Variants in NCOA3 observed in about 807,000 individuals in gnomAD.
NCOA3 encodes the protein nuclear receptor coactivator 3, also known as CBP-interacting protein.
NCOA3 carries 51 observed loss-of-function variants against 158.8 expected under a neutral mutation model. That is an observed-to-expected ratio of 0.32 (90% CI 0.26 to 0.41). The LOEUF is 0.41. NCOA3 is among the 10% of genes least tolerant of loss of function. NCOA3 has a pLI of 1.00. For synonymous variants in NCOA3, 537 were observed against 592.4 expected (o/e 0.91, Z 1.36); for missense variants, 1,510 against 1,746.6 (o/e 0.86, Z 2.41).
chr20:47,551,785 A>G (rs1250180994), intron 1 of NCOA3, among the ~76,000 whole-genome samples: 1 of 152,228 alleles, frequency 6.6e-6, no homozygotes, highest in Non-Finnish European at 1.5e-5. Flanking sequence ...GAAAAGAAGA[A>G]TTTTTATATG....
rs370656650 is a variant in NCOA3, at chr20:47,647,320, C to G, written c.3500C>G (p.Pro1167Arg). ...ATCATGAGACCCCGGACAAACACCC[C>G]CAAGCAACTTAGAATGCAGCTTCAG... ...ANIMRPRTNT[P>R]KQLRMQLQQR... is the part of the protein sequence containing the mutation. Residue 1167 changes from proline to arginine, a missense_variant, in exon 18 of 23, where the codon CCC becomes CGC. By Grantham distance (103) the Pro-to-Arg change is moderately radical. Coordinates refer to ENST00000371998, the MANE Select transcript of NCOA3 (RefSeq NM_181659.3). The G allele has an allele frequency of 8.1e-6, 13 of 1,614,082 alleles. No homozygotes were observed. Among genetic ancestry groups the G allele is most frequent in the Admixed American group, 5.0e-5 (3 of 60,006 alleles).
chr20:47,619,497 T>G (rs1275297276), intron 2 of NCOA3, among the ~76,000 whole-genome samples: 28 of 151,426 alleles, frequency 1.8e-4, no homozygotes, highest in Admixed American at 1.8e-3. Flanking sequence ...ATACAAAAAT[T>G]AGCTGGGTGT....
intron 22 of NCOA3, 152 bp downstream of exon 22, chr20:47,653,224 T>A: frequency 8.3e-7 from 1 of 1,209,920 alleles, no homozygotes; most frequent in Non-Finnish European, 1.1e-6. Context: ...TTTGAAGGCA[T>A]TGGGCCATTA....
intron 1 of NCOA3, among the ~76,000 whole-genome samples, chr20:47,553,681 GA>G (rs1396053931): frequency 1.3e-5 from 2 of 151,636 alleles, no homozygotes; most frequent in African/African-American, 4.8e-5. Flanking sequence ...AGTTTGTTGA[GA>G]ATGATGGTTT....
intron 2 of NCOA3, among the ~76,000 whole-genome samples, chr20:47,618,718 A>T (rs760648415): frequency 3.9e-5 from 6 of 152,180 alleles, no homozygotes; most frequent in Non-Finnish European, 7.3e-5. Flanking sequence ...TAGCAGGAAG[A>T]TTGCACAGGC....
At chr20:47,565,371 T>C (rs1329867769) in intron 1 of NCOA3, among the ~76,000 whole-genome samples, 2 of 152,106 alleles carry the variant, frequency 1.3e-5, no homozygotes, top group East Asian at 3.8e-4. Context: ...GTGTCACTGG[T>C]AGGGAGGATC....
At position 47,529,172 on chromosome 20, in the gene NCOA3, C is replaced by T. The variant is rs8123611; in HGVS notation, c.-99+27153C>T. Among the ~76,000 whole-genome samples, 589 of 148,754 alleles carry T rather than the reference C, an allele frequency of 4.0e-3. 5 individuals carry two copies. Among genetic ancestry groups the T allele is most frequent in the African/African-American group, 0.014 (551 of 40,268 alleles). The stretch of plus-strand genomic sequence containing the variant: ...TTTTGAGATGGAGTTTCACTCTAGT[C>T]CCCCAGGCTGGAGTGCATCTCAGCA... On this transcript the variant is annotated intron_variant, in intron 1 of 22. Coordinates refer to ENST00000371998, the MANE Select transcript of NCOA3 (RefSeq NM_181659.3).
rs977099015 is a variant in NCOA3, at chr20:47,655,995, T to C, written c.*2578T>C. 1.3e-5 allele frequency: 2 copies of C among 152,266 alleles called. No homozygotes were observed. Among genetic ancestry groups the C allele is most frequent in the African/African-American group, 4.8e-5 (2 of 41,400 alleles). The allele number at this position is 152,266 out of a possible 1,614,324, so 9.4% of individuals were successfully genotyped here. On this transcript the variant is annotated 3_prime_UTR_variant, in exon 23 of 23. Coordinates refer to ENST00000371998, the MANE Select transcript of NCOA3 (RefSeq NM_181659.3). ...TTGCCCTTTATCTTTTTTAGGTAAT[T>C]CTTTGTACTCCTGCTGTCTACCTCT...
chr20:47,551,324 A>G (rs185562885), intron 1 of NCOA3, among the ~76,000 whole-genome samples: 23 of 152,236 alleles, frequency 1.5e-4, no homozygotes, highest in African/African-American at 5.5e-4. Context: ...AAAACATTCA[A>G]GTCCTTTGGT....
chr20:47,529,635 A>G (rs2084514119), intron 1 of NCOA3, among the ~76,000 whole-genome samples: 2 of 152,002 alleles, frequency 1.3e-5, no homozygotes, highest in African/African-American at 4.8e-5. Context: ...CTGGTCTCGA[A>G]CTCTGACCTC....
At chr20:47,539,684 A>G (rs914974902) in intron 1 of NCOA3, among the ~76,000 whole-genome samples, 34 of 152,318 alleles carry the variant, frequency 2.2e-4, no homozygotes, top group African/African-American at 7.7e-4. Flanking sequence ...ACCAAATTTC[A>G]TCAAGTTTAA....
At chr20:47,617,422 C>A (rs769050943) in intron 2 of NCOA3, among the ~76,000 whole-genome samples, 1 of 152,166 alleles carries the variant, frequency 6.6e-6, no homozygotes, top group Non-Finnish European at 1.5e-5. Flanking sequence ...TGTTTCTTAC[C>A]GGTTAAGAAC....
At chr20:47,502,193 G>T (rs1362754691) in intron 1 of NCOA3, among the ~76,000 whole-genome samples, 174 bp downstream of exon 1, 1 of 151,884 alleles carries the variant, frequency 6.6e-6, no homozygotes, top group Non-Finnish European at 1.5e-5. Context: ...TCGGGGCCGC[G>T]CCGCTTCCCC....
chr20:47,518,677 G>A (rs2084274801), intron 1 of NCOA3, among the ~76,000 whole-genome samples: 1 of 151,298 alleles, frequency 6.6e-6, no homozygotes, highest in Non-Finnish European at 1.5e-5. Flanking sequence ...TACCTGCCTC[G>A]GCCTCCCAAA....
chr20:47,574,236 C>T (rs2085338959), intron 1 of NCOA3, among the ~76,000 whole-genome samples: 1 of 151,964 alleles, frequency 6.6e-6, no homozygotes, highest in African/African-American at 2.4e-5. Context: ...TAAAGTATAA[C>T]CCCCATTTGG....
intron 19 of NCOA3, 25 bp downstream of exon 19, chr20:47,649,134 T>G: frequency 6.8e-7 from 1 of 1,475,386 alleles, no homozygotes; most frequent in Non-Finnish European, 9.4e-7. Context: ...CCTCTCCACA[T>G]GCATTGCTCT....
At chr20:47,529,233 C>T (rs992306364) in intron 1 of NCOA3, among the ~76,000 whole-genome samples, 1 of 150,904 alleles carries the variant, frequency 6.6e-6, no homozygotes, top group Non-Finnish European at 1.5e-5. Context: ...AGCGATTCTC[C>T]TGCTTCAGCC....
chr20:47,507,393 G>A (rs1289993023), intron 1 of NCOA3, among the ~76,000 whole-genome samples: 1 of 152,126 alleles, frequency 6.6e-6, no homozygotes, highest in East Asian at 1.9e-4. Flanking sequence ...GGCAGAGCAT[G>A]TATATCACCC....
intron 1 of NCOA3, among the ~76,000 whole-genome samples, chr20:47,538,617 A>G (rs1371537501): frequency 6.6e-6 from 1 of 151,778 alleles, no homozygotes; most frequent in Non-Finnish European, 1.5e-5. Context: ...AGCTCACTGC[A>G]ACCTCTGCCT....
Sources: gnomAD v4.1 joint callset for allele counts (sites outside exome capture counted in the v4.1 genomes callset) on GRCh38, gnomAD v4.1.1 for gene constraint, MANE v1.5 for transcripts, NCBI Gene and HGNC (gene_info 2026-07-23, HGNC 2026-07-21) for gene names.